The following CIC variants were observed in gnomAD, a reference collection of about 807,000 sequenced individuals.
CIC encodes capicua transcriptional repressor.
In CIC, 18 loss-of-function variants were observed where a neutral mutation model predicts 115.7. The ratio of observed to expected loss-of-function variants is 0.16; its 90% CI spans 0.11 to 0.23. CIC has a LOEUF of 0.23. Among genes scored for constraint, CIC ranks in the 10% least tolerant of loss-of-function variants. CIC has a pLI of 1.00. For synonymous variants in CIC, 1,076 were observed against 923.0 expected (o/e 1.17, Z -3.01); for missense variants, 2,000 against 2,159.3 (o/e 0.93, Z 1.46).
chr19:42,274,669 G>T lies in CIC; in HGVS notation c.2794+92G>T, dbSNP rs909894945. 1.5e-5 allele frequency: 6 copies of T among 398,130 alleles called. No homozygotes were observed. The South Asian group carries it at 4.0e-4, about 27-fold the overall frequency. The allele number at this position is 398,130 out of a possible 1,614,324, so 24.7% of individuals were successfully genotyped here. Reference sequence around the variant, plus strand: ...CTTGAGAGGTGAGCTCCTCACCTTGGGAGGGCTTCAAGGGGAGGCCGGCCT... The same window carrying T: ...CTTGAGAGGTGAGCTCCTCACCTTGTGAGGGCTTCAAGGGGAGGCCGGCCT... On this transcript the variant is annotated intron_variant, in intron 2 of 20. Coordinates refer to ENST00000681038, the MANE Select transcript of CIC (RefSeq NM_001386298.1).
chr19:42,279,543 G>A (rs2037125889), intron 2 of CIC, among the ~76,000 whole-genome samples: 1 of 152,252 alleles, frequency 6.6e-6, no homozygotes, highest in Non-Finnish European at 1.5e-5. Context: ...ACCTGAAACA[G>A]CTGCATGAGC....
In CIC at chr19:42,289,958, G is replaced by A. The variant is rs2147244347; in HGVS notation, c.4191+7G>A. On this transcript the variant is annotated splice_region_variant and intron_variant, in intron 10 of 20. Coordinates refer to ENST00000681038, the MANE Select transcript of CIC (RefSeq NM_001386298.1). ...GGACCCAGAGGGCAACAAGGTGAGG[G>A]CTTGGGTCACGGTGCTGTCCCATCA... The A allele has an allele frequency of 6.3e-7, 1 of 1,595,516 alleles. No individual in the cohort carries two copies. The highest frequency in any genetic ancestry group is 8.5e-7 in the Non-Finnish European group (1 of 1,169,808).
chr19:42,268,994 CTTG>C (rs1286956712), upstream of CIC, among the ~76,000 whole-genome samples: 3 of 152,162 alleles, frequency 2.0e-5, no homozygotes, highest in Admixed American at 1.3e-4. Context: ...GTGTCCTTCA[CTTG>C]TTGTAGGGTA....
chr19:42,294,531 G>A (rs1357692821), intron 19 of CIC, 73 bp from the exon 20 acceptor site: 3 of 1,604,010 alleles, frequency 1.9e-6, no homozygotes, highest in Non-Finnish European at 1.7e-6. Context: ...GAGGGCTTGG[G>A]TGGGCACTCA....
rs2147271133 is a variant in CIC, at chr19:42,291,298, C to T, written c.5257C>T (p.Pro1753Ser). The T allele has an allele frequency of 2.5e-6, 4 of 1,612,822 alleles. No individual in the cohort carries two copies. Among genetic ancestry groups the T allele is most frequent in the Non-Finnish European group, 3.4e-6 (4 of 1,179,838 alleles). ...QQLQVAPAPA[P>S]APGTKAAAPS... The stretch of plus-strand genomic sequence containing the variant: ...GCTTCAGGTGGCACCTGCCCCAGCA[C>T]CAGCCCCTGGGACCAAGGCAGCGGC... The change falls in exon 11 of 21, where the codon CCA becomes TCA. Residue 1753 changes from proline to serine, a missense_variant. This residue lies in a region of CIC where 1,466 missense variants were observed against 1,390.4 expected (regional missense o/e 1.05). Transcript: ENST00000681038.
At chr19:42,283,398 T>C (rs2037354810) in intron 2 of CIC, among the ~76,000 whole-genome samples, 2 of 151,818 alleles carry the variant, frequency 1.3e-5, no homozygotes, top group South Asian at 2.1e-4. Flanking sequence ...GAATGCACGA[T>C]GGTGGGTGGG....
chr19:42,294,515 T>C (rs2038376125), intron 19 of CIC, 89 bp from the exon 20 acceptor site: 2 of 1,591,852 alleles, frequency 1.3e-6, no homozygotes. Flanking sequence ...TGAAATAGAA[T>C]GCAGTGAGGG....
In CIC at chr19:42,287,306, C is replaced by G; in HGVS notation, c.3180-14C>G. The G allele has an allele frequency of 6.2e-7, 1 of 1,614,106 alleles. No individual in the cohort carries two copies. The highest frequency in any genetic ancestry group is 8.5e-7 in the Non-Finnish European group (1 of 1,180,028). On this transcript the variant is annotated splice_polypyrimidine_tract_variant and intron_variant, in intron 4 of 20. Transcript: ENST00000681038. This position sits in a 1 kb window ranked among gnomAD's most constrained non-coding sequence, Gnocchi z 8.7. Reference sequence around the variant, plus strand: ...AGAGACATGGCCCTCACTGTCCCTGCTGCCCCGCCGCAGCTTCCTCTCCAT... The same window carrying G: ...AGAGACATGGCCCTCACTGTCCCTGGTGCCCCGCCGCAGCTTCCTCTCCAT...
At position 42,294,965 on chromosome 19, in the gene CIC, C is replaced by T. The variant is rs1472662783; in HGVS notation, c.7328C>T (p.Pro2443Leu). 6.2e-7 allele frequency: 1 copy of T among 1,600,252 alleles called. No homozygotes were observed. Among genetic ancestry groups the T allele is most frequent in the South Asian group, 1.1e-5 (1 of 91,084 alleles). The change falls in exon 21 of 21, where the codon CCT becomes CTT. Residue 2443 changes from proline (P) to leucine (L), a missense_variant. Coordinates refer to ENST00000681038, the MANE Select transcript of CIC (RefSeq NM_001386298.1). The stretch of plus-strand genomic sequence containing the variant: ...GAGCAGCCCCCTGGAGCTGAGGCTC[C>T]TCTCCCTGTACCGCCCCCCACTGGC... The part of the protein sequence containing the change: ...PTEQPPGAEA[P>L]LPVPPPTGTA...
chr19:42,284,893 G>C, intron 2 of CIC: 2 of 895,520 alleles, frequency 2.2e-6, no homozygotes, highest in East Asian at 2.7e-5. Context: ...GGGATGACGG[G>C]GAAAGTTACG....
intron 3 of CIC, 22 bp from the exon 4 acceptor site, chr19:42,286,984 T>C (rs2037697437): frequency 6.2e-7 from 1 of 1,608,384 alleles, no homozygotes; most frequent in African/African-American, 1.3e-5. Context: ...AGGAGCCCTC[T>C]GATCTACCTC....
At position 42,295,236 on chromosome 19, in the gene CIC, C is replaced by T; in HGVS notation, c.*45C>T. The T allele has an allele frequency of 2.0e-6, 3 of 1,512,582 alleles. No homozygotes were observed. The highest frequency in any genetic ancestry group is 1.8e-6 in the Non-Finnish European group (2 of 1,127,288). 93.7% of individuals were successfully genotyped at this position (1,512,582 alleles called of 1,614,324 possible). ...CAGGACTTATAGTACCCCCTCAGGA[C>T]ATGGACAGTATGTGGGGGCAGGAAG... On this transcript the variant is annotated 3_prime_UTR_variant, in exon 21 of 21. Transcript: ENST00000681038.
Position 42,291,566 on chromosome 19 carries a change from G to T in CIC, c.5434G>T (p.Val1812Phe), listed in dbSNP as rs1345227395. The change falls in exon 12 of 21, where the codon GTT becomes TTT. Residue 1812 changes from valine (V) to phenylalanine (F), a missense_variant. This residue lies in a region of CIC where 1,466 missense variants were observed against 1,390.4 expected (regional missense o/e 1.05). Coordinates refer to ENST00000681038, the MANE Select transcript of CIC (RefSeq NM_001386298.1). ...TGCCTCTTAACTTCCAGCCCAGTCAGTTTCTCCCGTGCAGGCCCCGCCCCC... is the reference window on the plus strand; with the variant it reads ...TGCCTCTTAACTTCCAGCCCAGTCATTTTCTCCCGTGCAGGCCCCGCCCCC... ...PSAPPPKAQSVSPVQAPPPGG... is the reference protein window; with the variant it reads ...PSAPPPKAQSFSPVQAPPPGG... The T allele has an allele frequency of 1.2e-6, 2 of 1,612,946 alleles. No individual in the cohort carries two copies. Among genetic ancestry groups the T allele is most frequent in the African/African-American group, 2.7e-5 (2 of 74,906 alleles).
rs764367333 is a variant in CIC, at chr19:42,287,743, C to T, written c.3492+16C>T. 5.6e-6 allele frequency: 9 copies of T among 1,614,086 alleles called. No homozygotes were observed. Among genetic ancestry groups the T allele is most frequent in the Non-Finnish European group, 7.6e-6 (9 of 1,180,036 alleles). ...GGCCTTCCAGGTAACGCTGTTGCCT[C>T]TTGGCTCCTCCCAGCTTCTTCTGGT... On this transcript the variant is annotated intron_variant, in intron 6 of 20. Coordinates refer to ENST00000681038, the MANE Select transcript of CIC (RefSeq NM_001386298.1). The surrounding 1 kb of genome is among the most constrained non-coding windows in gnomAD (Gnocchi z 8.7).
Position 42,290,244 on chromosome 19 carries a change from G to C in CIC, c.4203G>C (p.Arg1401=). Residue 1401 remains arginine, a synonymous_variant, in exon 11 of 21, where the codon CGG becomes CGC. Coordinates refer to ENST00000681038, the MANE Select transcript of CIC (RefSeq NM_001386298.1). ...EDPEGNKGFG[R]KVFSPVIRSS... ...TTCCTTTCATGCAGGGCTTTGGTCG[G>C]AAGGTGTTTTCACCTGTGATCCGTT... 6.2e-7 allele frequency: 1 copy of C among 1,614,076 alleles called. No homozygotes were observed. The highest frequency in any genetic ancestry group is 8.5e-7 in the Non-Finnish European group (1 of 1,179,972).
Position 42,273,875 on chromosome 19 carries a change from A to G in CIC, c.2092A>G (p.Thr698Ala). ...GCGCCACTCCTCTGGAATCCTACCC[A>G]CCTTCCAGACCAACCTGACCTTCAC... ...RERHSSGILP[T>A]FQTNLTFTVP... The change falls in exon 2 of 21, where the codon ACC (threonine) becomes GCC (alanine). Residue 698 changes from threonine to alanine, a missense_variant. Thr to Ala is a moderately conservative substitution (Grantham distance 58). Around this residue, in one of 8 missense-constraint regions of CIC, gnomAD observed 222 missense variants for 247.7 expected, o/e 0.90. Transcript: ENST00000681038. The G allele has an allele frequency of 2.5e-6, 1 of 395,386 alleles. No individual in the cohort carries two copies. The highest frequency in any genetic ancestry group is 1.3e-4 in the South Asian group (1 of 7,738). 24.5% of individuals were successfully genotyped at this position (395,386 alleles called of 1,614,324 possible). A position where few individuals can be genotyped will look rare whatever the true frequency, so the allele number is the denominator to read the frequency against.
chr19:42,275,012 C>A (rs937472239), intron 2 of CIC, among the ~76,000 whole-genome samples: 2 of 152,190 alleles, frequency 1.3e-5, no homozygotes, highest in African/African-American at 4.8e-5. Context: ...GTTCTAAAGA[C>A]CCTTTTCAAA....
intron 2 of CIC, among the ~76,000 whole-genome samples, chr19:42,285,798 G>A (rs987957361): frequency 6.6e-6 from 1 of 152,218 alleles, no homozygotes; most frequent in African/African-American, 2.4e-5. Flanking sequence ...CCAGCCAGGG[G>A]TAGGTCCCAG....
Position 42,279,864 on chromosome 19 carries a change from G to T in CIC, c.2794+5287G>T, listed in dbSNP as rs1599864166. The T allele has an allele frequency of 1.9e-5, 3 of 158,502 alleles. No individual in the cohort carries two copies. In the East Asian group the frequency reaches 5.2e-4, roughly 27 times the overall value. 9.8% of individuals were successfully genotyped at this position (158,502 alleles called of 1,614,324 possible). A position where few individuals can be genotyped will look rare whatever the true frequency, so the allele number is the denominator to read the frequency against. On this transcript the variant is annotated intron_variant, in intron 2 of 20. Transcript: ENST00000681038. Reference sequence around the variant, plus strand: ...TTGTGAAGGTGCAGGAGTGAGTCTTGGTAACTGTAGAAGAGACCCCAGCTC... The same window carrying T: ...TTGTGAAGGTGCAGGAGTGAGTCTTTGTAACTGTAGAAGAGACCCCAGCTC...
Sources: gnomAD v4.1 joint callset for allele counts (sites outside exome capture counted in the v4.1 genomes callset) on GRCh38, gnomAD v4.1.1 for gene constraint, gnomAD v4.1.1 regional missense constraint, Gnocchi (gnomAD v3.1) non-coding constraint, MANE v1.5 for transcripts, NCBI Gene and HGNC (gene_info 2026-07-23, HGNC 2026-07-21) for gene names.